The following SOX5 variants were observed in gnomAD, a reference collection of about 807,000 sequenced individuals.
SOX5 encodes SRY-box transcription factor 5, also known as transcription factor SOX-5.
A neutral mutation model predicts 92.0 loss-of-function variants in SOX5; 9 were observed. The observed-to-expected ratio is 0.10, with a 90% CI of 0.06 to 0.17. The LOEUF (loss-of-function observed/expected upper bound fraction) is 0.17, where lower values mean the gene tolerates loss of function less well. Ranked by LOEUF, SOX5 falls within the 10% of genes least tolerant of loss-of-function variation. The pLI, the probability that SOX5 is intolerant of heterozygous loss-of-function variation, is 1.00. For missense variants in SOX5, 642 were observed against 944.5 expected, an observed-to-expected ratio of 0.68 and a Z score of 4.20; for synonymous variants, 344 against 336.3, an observed-to-expected ratio of 1.02 and a Z score of -0.25.
chr12:23,658,062 T>C (rs1352356057), intron 7 of SOX5, among the ~76,000 whole-genome samples: 1 of 152,170 alleles, frequency 6.6e-6, no homozygotes, highest in Non-Finnish European at 1.5e-5. Flanking sequence ...GAAGTTGGAT[T>C]AAATGCTGGT....
At chr12:23,561,813 T>TAAAA (rs34791864) in intron 11 of SOX5, among the ~76,000 whole-genome samples, 1 of 139,062 alleles carries the variant, frequency 7.2e-6, no homozygotes, top group East Asian at 2.1e-4. Context: ...TTTGGAGGAT[T>TAAAA]AAAAAAAAAA....
intron 4 of SOX5, among the ~76,000 whole-genome samples, chr12:24,131,108 T>C (rs768182325): frequency 6.6e-6 from 1 of 152,226 alleles, no homozygotes; most frequent in Non-Finnish European, 1.5e-5. Flanking sequence ...CTACTTCCTC[T>C]GAGTTATTTT....
intron 4 of SOX5, among the ~76,000 whole-genome samples, chr12:24,153,583 A>G (rs956054286): frequency 6.6e-6 from 1 of 152,132 alleles, no homozygotes; most frequent in Non-Finnish European, 1.5e-5. Flanking sequence ...TCACACATAC[A>G]TAGGTTATCA....
rs140847164 is a variant in SOX5, at chr12:23,715,917, T to A, written c.810+18767A>T. ...ATCTATTATCCAAACATGACTATCA[T>A]TAGTAATAAATCTTATTAAATTTGG... is the stretch of plus-strand genomic sequence containing the variant. On this transcript the variant is annotated intron_variant, in intron 6 of 14. Coordinates refer to ENST00000451604, the MANE Select transcript of SOX5 (RefSeq NM_006940.6). Among the ~76,000 whole-genome samples the A allele has an allele frequency of 4.8e-3, 736 of 151,972 alleles. 14 individuals carry two copies. Among genetic ancestry groups the A allele is most frequent in the Admixed American group, 0.018 (281 of 15,266 alleles).
At chr12:24,498,603 A>G (rs1947878649) in intron 1 of SOX5, among the ~76,000 whole-genome samples, 1 of 152,206 alleles carries the variant, frequency 6.6e-6, no homozygotes, top group Non-Finnish European at 1.5e-5. Flanking sequence ...ATATATACTG[A>G]CTGCCTCCTA....
chr12:24,216,920 T>TC (rs1162233744), intron 3 of SOX5, among the ~76,000 whole-genome samples: 1 of 151,978 alleles, frequency 6.6e-6, no homozygotes, highest in Admixed American at 6.5e-5. Flanking sequence ...AGAGCAAGAC[T>TC]CCATCTTAAA....
At chr12:24,112,634 G>A (rs1158477601) in intron 4 of SOX5, among the ~76,000 whole-genome samples, 2 of 141,988 alleles carry the variant, frequency 1.4e-5, no homozygotes, top group African/African-American at 2.6e-5. Context: ...GAGCTCAAAC[G>A]ATCATCCCAC....
intron 1 of SOX5, among the ~76,000 whole-genome samples, chr12:24,502,551 C>A (rs1017437840): frequency 6.6e-5 from 10 of 151,938 alleles, no homozygotes; most frequent in African/African-American, 2.4e-4. Context: ...AGAAAATTTC[C>A]AAATAAATGT....
intron 1 of SOX5, among the ~76,000 whole-genome samples, chr12:23,928,146 A>T (rs1940488007): frequency 6.6e-6 from 1 of 152,078 alleles, no homozygotes; most frequent in Non-Finnish European, 1.5e-5. Flanking sequence ...AAGGGAAGCC[A>T]AATGAGCCCA....
intron 1 of SOX5, among the ~76,000 whole-genome samples, chr12:24,517,060 A>G (rs1215313520): frequency 1.3e-5 from 2 of 152,220 alleles, no homozygotes; most frequent in Admixed American, 1.3e-4. Context: ...TTAGTTTTCA[A>G]AAACAGGCAT....
intron 4 of SOX5, among the ~76,000 whole-genome samples, chr12:24,015,594 C>G (rs1953497225): frequency 1.3e-5 from 2 of 152,072 alleles, no homozygotes. Context: ...ATCTCCATTG[C>G]GCTAATACAC....
chr12:23,733,348 G>A (rs2093463523), intron 6 of SOX5, among the ~76,000 whole-genome samples: 2 of 152,012 alleles, frequency 1.3e-5, no homozygotes, highest in Non-Finnish European at 2.9e-5. Context: ...CAGATAACCA[G>A]GTACCATCGA....
chr12:23,617,129 A>G (rs1404815522), intron 8 of SOX5, among the ~76,000 whole-genome samples: 4 of 6,512 alleles, frequency 6.1e-4, no homozygotes, highest in Admixed American at 1.7e-3. Context: ...CTGTCTCAAG[A>G]AAAAAAAAAA....
chr12:23,706,668 A>G (rs966495801), intron 6 of SOX5, among the ~76,000 whole-genome samples: 1 of 152,078 alleles, frequency 6.6e-6, no homozygotes, highest in African/African-American at 2.4e-5. Flanking sequence ...GTTAAAACAC[A>G]TAAGTCAATA....
intron 1 of SOX5, among the ~76,000 whole-genome samples, chr12:24,440,592 CT>C (rs1454764001): frequency 8.2e-6 from 1 of 121,534 alleles, no homozygotes; most frequent in South Asian, 2.9e-4. Context: ...TCACATGATC[CT>C]TTGTGTGTGT....
intron 3 of SOX5, among the ~76,000 whole-genome samples, chr12:24,232,148 A>C (rs1963530447): frequency 6.6e-6 from 1 of 152,034 alleles, no homozygotes. Context: ...TCTTGTGAGC[A>C]GGCTTACAAT....
chr12:23,777,447 C>T (rs1396698168), intron 3 of SOX5, among the ~76,000 whole-genome samples: 1 of 152,066 alleles, frequency 6.6e-6, no homozygotes, highest in Non-Finnish European at 1.5e-5. Context: ...TCCTCTTAAA[C>T]AATTCTGAGC....
At chr12:24,084,006 A>T (rs980518655) in intron 4 of SOX5, among the ~76,000 whole-genome samples, 3 of 152,018 alleles carry the variant, frequency 2.0e-5, no homozygotes, top group African/African-American at 7.2e-5. Context: ...AAGGAATGAG[A>T]GTCTGGTGTT....
intron 2 of SOX5, among the ~76,000 whole-genome samples, chr12:24,352,032 A>G (rs1013567094): frequency 2.0e-5 from 3 of 152,218 alleles, no homozygotes; most frequent in African/African-American, 7.2e-5. Flanking sequence ...TGCCTATTGA[A>G]GGCAATGGTT....
Sources: gnomAD v4.1 joint callset for allele counts (sites outside exome capture counted in the v4.1 genomes callset) on GRCh38, gnomAD v4.1.1 for gene constraint, MANE v1.5 for transcripts, NCBI Gene and HGNC (gene_info 2026-07-23, HGNC 2026-07-21) for gene names.